Variants in TPM4 observed in about 807,000 individuals in gnomAD.
TPM4 encodes the protein tropomyosin alpha-4 chain.
Under a neutral mutation model 35.8 loss-of-function variants are expected in TPM4, and 17 were observed. The observed-to-expected ratio is 0.47, with a 90% confidence interval of 0.32 to 0.71. The LOEUF (loss-of-function observed/expected upper bound fraction) is 0.71. TPM4 is among the 30% of genes least tolerant of loss of function. TPM4 has a pLI of 0.03. For synonymous variants in TPM4, 120 were observed against 122.9 expected (o/e 0.98, Z 0.15); for missense variants, 240 against 320.9 (o/e 0.75, Z 1.93).
Position 16,076,554 on chromosome 19 carries a change from C to G in TPM4, c.-12C>G. On this transcript the variant is annotated 5_prime_UTR_variant, in exon 1 of 8. Coordinates refer to ENST00000643579, the MANE Select transcript of TPM4 (RefSeq NM_003290.3). ...GTCCGCCGCTGCCCGTGCGCCTCTG[C>G]GCCTCCGCGCCATGGCCGGCCTCAA... The G allele has an allele frequency of 1.4e-6, 2 of 1,452,406 alleles. No homozygotes were observed. Among genetic ancestry groups the G allele is most frequent in the Non-Finnish European group, 1.8e-6 (2 of 1,107,210 alleles). The allele number at this position is 1,452,406 out of a possible 1,614,324, so 90.0% of individuals were successfully genotyped here.
chr19:16,067,637 A>G lies in TPM4; in HGVS notation c.13A>G (p.Lys5Glu). Residue 5 changes from lysine to glutamate, a missense_variant, in exon 2 of 3, where the codon AAG becomes GAG. By Grantham distance (56) the Lys-to-Glu change is moderately conservative. Coordinates refer to the TPM4 transcript ENST00000589897. The surrounding 1 kb of genome is among the most constrained non-coding windows in gnomAD (Gnocchi z 4.1). ...CCAGCGCCCAGCCATGGAGGCCATC[A>G]AGAAGAAAATGCAGATGCTGAAGTT... 6.2e-7 allele frequency: 1 copy of G among 1,613,544 alleles called. No individual in the cohort carries two copies. Among genetic ancestry groups the G allele is most frequent in the Non-Finnish European group, 8.5e-7 (1 of 1,179,822 alleles).
intron 7 of TPM4, among the ~76,000 whole-genome samples, chr19:16,093,984 G>A (rs577490084): frequency 3.1e-5 from 4 of 128,914 alleles, no homozygotes; most frequent in East Asian, 2.5e-4. Context: ...TCTATGAGAC[G>A]GAGTCTGGCT....
chr19:16,075,245 T>A (rs1417838928), upstream of TPM4: 2 of 151,960 alleles, frequency 1.3e-5, no homozygotes, highest in Non-Finnish European at 2.9e-5. Flanking sequence ...GGTGATGGGG[T>A]CTGTGGTTTG....
chr19:16,075,973 G>C (rs2090398849), upstream of TPM4: 3 of 1,537,796 alleles, frequency 2.0e-6, no homozygotes, highest in African/African-American at 2.8e-5. Context: ...TGAATATTGG[G>C]GGGGACCGCC....
intron 1 of TPM4, chr19:16,078,247 C>T (rs1599364968): frequency 5.0e-6 from 2 of 397,466 alleles, no homozygotes; most frequent in East Asian, 7.1e-5. Flanking sequence ...AATAAGTTTG[C>T]TGGGACCAGA....
chr19:16,100,930 G>A (rs2090757330), intron 7 of TPM4: 2 of 187,092 alleles, frequency 1.1e-5, no homozygotes, highest in Admixed American at 5.6e-5. Flanking sequence ...AGCACTTTAG[G>A]AGGCCAAGGT....
chr19:16,089,260 TC>T, intron 5 of TPM4, 140 bp downstream of exon 5: 1 of 1,099,796 alleles, frequency 9.1e-7, no homozygotes, highest in Non-Finnish European at 1.3e-6. Context: ...CCAGGGTTTT[TC>T]CCCTACAGAA....
At chr19:16,095,436 G>A (rs183662475) in intron 7 of TPM4, 7 of 1,028,688 alleles carry the variant, frequency 6.8e-6, no homozygotes, top group Non-Finnish European at 1.2e-6. Flanking sequence ...CCTGCCTTCT[G>A]GTTTGAACGT....
intron 1 of TPM4, chr19:16,080,118 ATATTC>A (rs2090465144): frequency 5.1e-6 from 1 of 195,940 alleles, no homozygotes; most frequent in Admixed American, 6.1e-5. Context: ...CCCGTTCTCA[ATATTC>A]CTTCCAAAGA....
At chr19:16,088,782 T>A in intron 4 of TPM4, 1 of 1,225,568 alleles carries the variant, frequency 8.2e-7, no homozygotes, top group Non-Finnish European at 1.0e-6. Context: ...AGCCTTACCC[T>A]TGGCAAAAGA....
In TPM4 at chr19:16,070,051, G is replaced by T. The variant is rs1347494718; in HGVS notation, c.114+2313G>T. ...ACCTGCTGCAGGGGTGACTGGGTGG[G>T]GTCTGGGGACTGGGATGGGAGTAGA... is the stretch of plus-strand genomic sequence containing the variant. On this transcript the variant is annotated intron_variant, in intron 2 of 2. Coordinates refer to the TPM4 transcript ENST00000589897. The surrounding 1 kb of genome is among the most constrained non-coding windows in gnomAD (Gnocchi z 7.4). Among the ~76,000 whole-genome samples the T allele has an allele frequency of 6.6e-6, 1 of 152,092 alleles. No individual in the cohort carries two copies. Among genetic ancestry groups the T allele is most frequent in the Non-Finnish European group, 1.5e-5 (1 of 68,008 alleles).
At position 16,081,749 on chromosome 19, in the gene TPM4, G is replaced by T. The variant is rs956277299; in HGVS notation, c.133-164G>T. On this transcript the variant is annotated intron_variant, in intron 1 of 7. Coordinates refer to ENST00000643579, the MANE Select transcript of TPM4 (RefSeq NM_003290.3). ...GTTTTTCCCAGACATTTTCCGGGAA[G>T]ATCATACTGAAATTTTGGTATGAGT... 2.6e-5 allele frequency: 23 copies of T among 889,734 alleles called. No homozygotes were observed. The East Asian group carries it at 2.7e-4, about 10-fold the overall frequency. The allele number at this position is 889,734 out of a possible 1,614,324, so 55.1% of individuals were successfully genotyped here.
rs765802965 is a variant in TPM4, at chr19:16,067,611, G to A, written c.-14G>A. 23 of 1,611,464 alleles carry A rather than the reference G, an allele frequency of 1.4e-5. No homozygotes were observed. The highest frequency in any genetic ancestry group is 1.8e-5 in the Non-Finnish European group (21 of 1,179,096). ...CCGCCGCGCACCCCACGTCCCCCAC[G>A]CCAGCGCCCAGCCATGGAGGCCATC... On this transcript the variant is annotated 5_prime_UTR_variant, in exon 2 of 3. Coordinates refer to the TPM4 transcript ENST00000589897. This position sits in a 1 kb window ranked among gnomAD's most constrained non-coding sequence, Gnocchi z 4.1.
intron 3 of TPM4, among the ~76,000 whole-genome samples, chr19:16,087,019 T>C (rs1436149886): frequency 1.3e-5 from 2 of 152,050 alleles, no homozygotes; most frequent in African/African-American, 4.8e-5. Flanking sequence ...CGGTGGCTCG[T>C]ACCTGTAACC....
intron 7 of TPM4, among the ~76,000 whole-genome samples, chr19:16,097,760 A>G (rs866183518): frequency 1.3e-5 from 2 of 152,184 alleles, no homozygotes; most frequent in Non-Finnish European, 2.9e-5. Context: ...GAAAATCTCC[A>G]ACTAGATCCT....
intron 1 of TPM4, 65 bp downstream of exon 1, chr19:16,076,762 C>G (rs2090412426): frequency 7.8e-7 from 1 of 1,284,854 alleles, no homozygotes; most frequent in Admixed American, 4.3e-5. Context: ...CCTTTCTTCC[C>G]GGCTTCCCGC....
chr19:16,067,545 C>T lies in TPM4; in HGVS notation c.-80C>T. On this transcript the variant is annotated 5_prime_UTR_variant, in exon 2 of 3. Coordinates refer to the TPM4 transcript ENST00000589897. The surrounding 1 kb of genome is among the most constrained non-coding windows in gnomAD (Gnocchi z 4.1). ...CTCCACCCTGCCAGGCTCACTCTGCCCCACAGCCACAGCCCCTGACTGCCG... is the reference window on the plus strand; with the variant it reads ...CTCCACCCTGCCAGGCTCACTCTGCTCCACAGCCACAGCCCCTGACTGCCG... The T allele has an allele frequency of 7.4e-7, 1 of 1,342,484 alleles. No homozygotes were observed. 83.2% of individuals were successfully genotyped at this position (1,342,484 alleles called of 1,614,324 possible).
chr19:16,070,329 G>A lies in TPM4; in HGVS notation c.114+2591G>A, dbSNP rs1241320188. 6.6e-6 allele frequency among the ~76,000 whole-genome samples: 1 copy of A among 152,146 alleles called. No individual in the cohort carries two copies. The highest frequency in any genetic ancestry group is 1.5e-5 in the Non-Finnish European group (1 of 68,018). On this transcript the variant is annotated intron_variant, in intron 2 of 2. Transcript: ENST00000589897. This position sits in a 1 kb window ranked among gnomAD's most constrained non-coding sequence, Gnocchi z 7.4. ...CAGAGCAGACAGGAGCAGTGGGTGG[G>A]AGGAAGGAAGGGAGTCCCCTCCCAC...
At chr19:16,073,142 G>C (rs1308259167), upstream of TPM4, among the ~76,000 whole-genome samples, 1 of 152,030 alleles carries the variant, frequency 6.6e-6, no homozygotes, top group Non-Finnish European at 1.5e-5. Flanking sequence ...CCAGGAGTTC[G>C]AGACCAGCCT....
Sources: gnomAD v4.1 joint callset for allele counts (sites outside exome capture counted in the v4.1 genomes callset) on GRCh38, gnomAD v4.1.1 for gene constraint, Gnocchi (gnomAD v3.1) non-coding constraint, MANE v1.5 for transcripts, NCBI Gene and HGNC (gene_info 2026-07-23, HGNC 2026-07-21) for gene names.